The following FAT1 variants were observed in gnomAD, a reference collection of about 807,000 sequenced individuals.
The protein encoded by FAT1 is protocadherin Fat 1.
A neutral mutation model predicts 329.8 loss-of-function variants in FAT1; 171 were observed. That is an observed-to-expected ratio of 0.52 (90% CI 0.46 to 0.59). FAT1 has a LOEUF of 0.59. Ranked by LOEUF, FAT1 falls within the 20% of genes least tolerant of loss-of-function variation. The probability of loss-of-function intolerance (pLI) is 0.00; values close to 1 mark genes in which losing one functional copy is unlikely to be tolerated. For synonymous variants in FAT1, 2,233 were observed against 2,228.6 expected (o/e 1.00, Z -0.06); for missense variants, 5,672 against 5,774.4 (o/e 0.98, Z 0.57).
At chr4:186,718,122 A>G (rs327097) in intron 1 of FAT1, among the ~76,000 whole-genome samples, 47,004 of 151,934 alleles carry the variant, frequency 0.31, 8,673 homozygotes, top group African/African-American at 0.52. Context: ...ACTAAATGAC[A>G]GACCAGGAAA....
At chr4:186,725,445 C>T (rs1348021478), upstream of FAT1, among the ~76,000 whole-genome samples, 1 of 151,596 alleles carries the variant, frequency 6.6e-6, no homozygotes, top group African/African-American at 2.4e-5. This position sits in a 1 kb window ranked among gnomAD's most constrained non-coding sequence, Gnocchi z 5.4. Flanking sequence ...AGAAGATTAC[C>T]ATTAATTAAT....
intron 2 of FAT1, among the ~76,000 whole-genome samples, chr4:186,681,036 A>C (rs1338260980): frequency 6.6e-6 from 1 of 152,216 alleles, no homozygotes; most frequent in Non-Finnish European, 1.5e-5. Flanking sequence ...ACCTAGGCAC[A>C]CATCTCAATC....
rs768040968 is a variant in FAT1, at chr4:186,596,195, A to G, written c.13000+345T>C. ...ATAAATATTTCCACTTCGCCAGGTC[A>G]TATTTTTAAAAATCCTAGCATGAAA... is the stretch of plus-strand genomic sequence containing the variant. On this transcript the variant is annotated intron_variant, in intron 25 of 26. Transcript: ENST00000441802. The surrounding 1 kb of genome is among the most constrained non-coding windows in gnomAD (Gnocchi z 4.7). 1.3e-5 allele frequency among the ~76,000 whole-genome samples: 2 copies of G among 152,224 alleles called. No homozygotes were observed. The highest frequency in any genetic ancestry group is 6.5e-5 in the Admixed American group (1 of 15,286).
At position 186,633,714 on chromosome 4, in the gene FAT1, A is replaced by G; in HGVS notation, c.4293T>C (p.Ala1431=). ...QKSNYNLTVE[A]TDGTTTILTQ... ...TGAGGATAGTGGTGGTTCCATCTGT[A>G]GCCTCGACTGTGAGGTTGTAGTTTG... Residue 1431 remains alanine, a synonymous_variant, in exon 7 of 27, where the codon GCT becomes GCC. Coordinates refer to ENST00000441802, the MANE Select transcript of FAT1 (RefSeq NM_005245.4). 1 of 1,613,958 alleles carries G rather than the reference A, an allele frequency of 6.2e-7. No homozygotes were observed. Among genetic ancestry groups the G allele is most frequent in the Non-Finnish European group, 8.5e-7 (1 of 1,179,886 alleles).
chr4:186,621,220 T>C lies in FAT1; in HGVS notation c.5366A>G (p.Asn1789Ser), dbSNP rs2126523274. The change falls in exon 10 of 27, where the codon AAT (asparagine) becomes AGT (serine). Residue 1789 changes from asparagine (N) to serine (S), a missense_variant. By Grantham distance (46) the Asn-to-Ser change is conservative (BLOSUM62 1). Around this residue, in one of 2 missense-constraint regions of FAT1, gnomAD observed 3,966 missense variants for 3,915.2 expected, o/e 1.01. Transcript: ENST00000441802. ...AGCTGCTCGAATCACCAGTGGGACA[T>C]TCCTGTCTGTTAGGACCACGCTGTT... ...SINSVVLTDR[N>S]VPLVIRAADA... 6.2e-7 allele frequency: 1 copy of C among 1,614,026 alleles called. No homozygotes were observed. Among genetic ancestry groups the C allele is most frequent in the Non-Finnish European group, 8.5e-7 (1 of 1,179,868 alleles).
chr4:186,719,391 A>T (rs922799195), intron 1 of FAT1, among the ~76,000 whole-genome samples: 17 of 152,206 alleles, frequency 1.1e-4, no homozygotes, highest in African/African-American at 4.1e-4. Flanking sequence ...TATAAATAGT[A>T]CCCCATTTTA....
intron 9 of FAT1, 107 bp downstream of exon 9, chr4:186,628,047 T>C: frequency 1.7e-6 from 2 of 1,203,006 alleles, no homozygotes; most frequent in Non-Finnish European, 2.3e-6. Context: ...TAAGCCATTT[T>C]TGCAGATACA....
At chr4:186,623,330 C>A (rs1053919302) in intron 9 of FAT1, among the ~76,000 whole-genome samples, 1 of 152,138 alleles carries the variant, frequency 6.6e-6, no homozygotes, top group Non-Finnish European at 1.5e-5. Flanking sequence ...TTTTGGCCGT[C>A]GTCAGAACGC....
At chr4:186,657,126 A>G (rs2126605610) in intron 3 of FAT1, among the ~76,000 whole-genome samples, 1 of 152,258 alleles carries the variant, frequency 6.6e-6, no homozygotes, top group African/African-American at 2.4e-5. Context: ...ACAGCTATGC[A>G]CCCCTATGTG....
At chr4:186,624,012 G>A (rs1374024550) in intron 9 of FAT1, among the ~76,000 whole-genome samples, 1 of 152,138 alleles carries the variant, frequency 6.6e-6, no homozygotes, top group African/African-American at 2.4e-5. Context: ...CAGATTTGCA[G>A]GTGGGAAAGC....
intron 21 of FAT1, among the ~76,000 whole-genome samples, 170 bp from the exon 22 acceptor site, chr4:186,600,530 C>T (rs929839507): frequency 7.9e-5 from 12 of 152,158 alleles, no homozygotes; most frequent in African/African-American, 2.2e-4. Flanking sequence ...CATTAAAATG[C>T]GTCTTTTAGG....
intron 9 of FAT1, among the ~76,000 whole-genome samples, chr4:186,623,873 A>G (rs1030999462): frequency 1.3e-5 from 2 of 152,126 alleles, no homozygotes; most frequent in East Asian, 1.9e-4. Context: ...AACATCCTCT[A>G]TTATCTGGGG....
chr4:186,673,858 C>T (rs1742837211), intron 2 of FAT1, among the ~76,000 whole-genome samples: 2 of 152,112 alleles, frequency 1.3e-5, no homozygotes, highest in Non-Finnish European at 2.9e-5. Context: ...TTCTGACTTC[C>T]CTGTCAGAAT....
At chr4:186,658,375 C>T (rs1353381252) in intron 3 of FAT1, among the ~76,000 whole-genome samples, 1 of 152,170 alleles carries the variant, frequency 6.6e-6, no homozygotes, top group Non-Finnish European at 1.5e-5. Context: ...ACACAAAATT[C>T]ATAAGCTCAC....
At position 186,707,738 on chromosome 4, in the gene FAT1, C is replaced by T. The variant is rs760695015; in HGVS notation, c.2090G>A (p.Gly697Glu). ...LLQANKLHNQ[G>E]EVEDIFFDSH... Reference sequence around the variant, plus strand: ...ATCGAAGAAAATATCCTCCACCTCTCCCTGGTTGTGTAATTTATTTGCCTG... The same window carrying T: ...ATCGAAGAAAATATCCTCCACCTCTTCCTGGTTGTGTAATTTATTTGCCTG... Residue 697 changes from glycine (G) to glutamate (E), a missense_variant, in exon 2 of 27, where the codon GGA becomes GAA. Physicochemically the swap from Gly to Glu is moderately conservative, Grantham distance 98 (BLOSUM62 -2). This residue lies in a region of FAT1 where 3,966 missense variants were observed against 3,915.2 expected (regional missense o/e 1.01). Coordinates refer to ENST00000441802, the MANE Select transcript of FAT1 (RefSeq NM_005245.4). 1.2e-6 allele frequency: 2 copies of T among 1,613,752 alleles called. No homozygotes were observed. The highest frequency in any genetic ancestry group is 2.2e-5 in the South Asian group (2 of 91,076).
At chr4:186,609,130 T>C in intron 16 of FAT1, 53 bp downstream of exon 16, 1 of 1,587,842 alleles carries the variant, frequency 6.3e-7, no homozygotes. Context: ...AAGGCATTTC[T>C]AGTTATTGAT....
chr4:186,723,236 G>A (rs1337178158), intron 1 of FAT1, among the ~76,000 whole-genome samples: 1 of 152,260 alleles, frequency 6.6e-6, no homozygotes, highest in Non-Finnish European at 1.5e-5. Flanking sequence ...CAGCGCTCCT[G>A]CAGGGCGCAA....
At chr4:186,687,069 C>T (rs548612591) in intron 2 of FAT1, among the ~76,000 whole-genome samples, 2 of 152,116 alleles carry the variant, frequency 1.3e-5, no homozygotes, top group Non-Finnish European at 2.9e-5. Context: ...GCTTTTTAAA[C>T]AATTAATTAA....
In FAT1 at chr4:186,643,523, G is replaced by A. The variant is rs7683080; in HGVS notation, c.3581-3740C>T. Among the ~76,000 whole-genome samples the A allele has an allele frequency of 2.9e-3, 438 of 152,138 alleles. 3 individuals are homozygous for A. Among genetic ancestry groups the A allele is most frequent in the African/African-American group, 0.01 (415 of 41,488 alleles). On this transcript the variant is annotated intron_variant, in intron 3 of 26. Coordinates refer to ENST00000441802, the MANE Select transcript of FAT1 (RefSeq NM_005245.4). ...GCACCAGGTGATGCACCCCCTCTGCGAAAAATTACAGTAAAATTAGGGCTT... is the reference window on the plus strand; with the variant it reads ...GCACCAGGTGATGCACCCCCTCTGCAAAAAATTACAGTAAAATTAGGGCTT...
Sources: allele counts gnomAD v4.1 joint callset (sites outside exome capture counted in the v4.1 genomes callset), GRCh38; gene constraint gnomAD v4.1.1; regional missense constraint gnomAD v4.1.1; non-coding constraint Gnocchi (gnomAD v3.1); transcripts MANE v1.5; gene names NCBI Gene and HGNC (gene_info 2026-07-23, HGNC 2026-07-21).